The following BBX variants were observed in gnomAD, a reference collection of about 807,000 sequenced individuals.
BBX encodes HMG box transcription factor BBX.
In BBX, 30 loss-of-function variants were observed where a neutral mutation model predicts 100.2. The observed-to-expected ratio is 0.30, with a 90% CI of 0.22 to 0.41. The LOEUF (loss-of-function observed/expected upper bound fraction) is 0.41. Among genes scored for constraint, BBX ranks in the 10% least tolerant of loss-of-function variants. The pLI, the probability that BBX is intolerant of heterozygous loss-of-function variation, is 1.00. For synonymous variants in BBX, 376 were observed against 388.1 expected (o/e 0.97, Z 0.37); for missense variants, 1,023 against 1,129.8 (o/e 0.91, Z 1.35).
chr3:107,568,554 C>T lies in BBX; in HGVS notation c.-84+42156C>T, dbSNP rs1464325133. ...GATTACAGGCATGAGCCACTGCGCC[C>T]GACCATTTTCTGCTCTTTTCTTATG... On this transcript the variant is annotated intron_variant, in intron 2 of 17. Transcript: ENST00000325805. Among the ~76,000 whole-genome samples the T allele has an allele frequency of 2.0e-5, 3 of 152,238 alleles. No homozygotes were observed. In the East Asian group the frequency reaches 5.8e-4, roughly 29 times the overall value.
chr3:107,627,113 T>C (rs1388418645), intron 2 of BBX, among the ~76,000 whole-genome samples: 2 of 152,146 alleles, frequency 1.3e-5, no homozygotes, highest in Admixed American at 1.3e-4. Context: ...GCCCTATTCA[T>C]TGTGGAAGGA....
At chr3:107,621,270 G>A (rs1484076769) in intron 2 of BBX, among the ~76,000 whole-genome samples, 2 of 152,116 alleles carry the variant, frequency 1.3e-5, no homozygotes, top group Admixed American at 6.5e-5. Context: ...TCTTCAGTTC[G>A]AAGTTGCAGA....
In BBX at chr3:107,725,169, A is replaced by G. The variant is rs1402704820; in HGVS notation, c.406-3596A>G. 3.3e-5 allele frequency among the ~76,000 whole-genome samples: 5 copies of G among 152,136 alleles called. No individual in the cohort carries two copies. The East Asian group carries it at 9.6e-4, about 29-fold the overall frequency. ...CTAGGTATTTTATTCTCTTTGAAGC[A>G]GTTGTGAAGGGGAGTTCACTCATGA... On this transcript the variant is annotated intron_variant, in intron 5 of 17. Transcript: ENST00000325805.
rs1365811252 is a variant in BBX, at chr3:107,809,175, A to C, written c.*3718A>C. On this transcript the variant is annotated 3_prime_UTR_variant, in exon 18 of 18. Transcript: ENST00000325805. ...TTACAAATTGCTACAGAACAGGAGT[A>C]AGCTGAAAACTGAATGCCATGTTTT... 6.6e-6 allele frequency: 1 copy of C among 152,254 alleles called. No individual in the cohort carries two copies. The highest frequency in any genetic ancestry group is 1.5e-5 in the Non-Finnish European group (1 of 68,046). The allele number at this position is 152,254 out of a possible 1,614,324, so 9.4% of individuals were successfully genotyped here. A position where few individuals can be genotyped will look rare whatever the true frequency, so the allele number is the denominator to read the frequency against.
rs758531311 is a variant in BBX, at chr3:107,576,625, T to C, written c.-84+50227T>C. Among the ~76,000 whole-genome samples the C allele has an allele frequency of 6.9e-4, 105 of 152,292 alleles. 1 individual carries two copies. Among genetic ancestry groups the C allele is most frequent in the Admixed American group, 1.6e-3 (24 of 15,302 alleles). ...GCAGTGAGACATTAATCAGATGAAA[T>C]TATAAATTCAATAAATTTGTGATGC... On this transcript the variant is annotated intron_variant, in intron 2 of 17. Coordinates refer to ENST00000325805, the MANE Select transcript of BBX (RefSeq NM_001142568.3).
chr3:107,651,941 G>A (rs760658430), intron 3 of BBX, among the ~76,000 whole-genome samples: 56 of 152,184 alleles, frequency 3.7e-4, no homozygotes, highest in Non-Finnish European at 6.9e-4. Flanking sequence ...AAGCAGAAAA[G>A]AGGGCTGAGG....
At chr3:107,789,159 G>C (rs1212686825) in intron 13 of BBX, among the ~76,000 whole-genome samples, 2 of 151,490 alleles carry the variant, frequency 1.3e-5, no homozygotes, top group Non-Finnish European at 2.9e-5. Context: ...GCTGTTGCTG[G>C]TATTTCTGAT....
At chr3:107,746,662 C>T (rs2064629593) in intron 8 of BBX, among the ~76,000 whole-genome samples, 1 of 151,602 alleles carries the variant, frequency 6.6e-6, no homozygotes, top group Non-Finnish European at 1.5e-5. Context: ...GCTATGTTAC[C>T]CAGGCTTGTC....
intron 10 of BBX, among the ~76,000 whole-genome samples, chr3:107,757,352 A>G (rs1387930517): frequency 6.6e-6 from 1 of 152,084 alleles, no homozygotes; most frequent in Non-Finnish European, 1.5e-5. Flanking sequence ...ACACTCTTCT[A>G]ATTTGTAGGG....
chr3:107,631,050 A>G (rs368074171), intron 2 of BBX, among the ~76,000 whole-genome samples: 1 of 152,138 alleles, frequency 6.6e-6, no homozygotes, highest in Non-Finnish European at 1.5e-5. Flanking sequence ...TGTCTGCTCA[A>G]ACTTTTTCTG....
chr3:107,755,960 A>G (rs2065441438), intron 10 of BBX, among the ~76,000 whole-genome samples: 1 of 152,202 alleles, frequency 6.6e-6, no homozygotes, highest in African/African-American at 2.4e-5. Flanking sequence ...GTCCAGCCTG[A>G]ACACAGAAGA....
intron 2 of BBX, among the ~76,000 whole-genome samples, chr3:107,600,041 A>G (rs574720869): frequency 3.9e-5 from 6 of 152,356 alleles, no homozygotes; most frequent in Non-Finnish European, 8.8e-5. Flanking sequence ...TGAAAGTTTT[A>G]AAGTTTTTAG....
intron 3 of BBX, among the ~76,000 whole-genome samples, chr3:107,705,979 G>C (rs925413415): frequency 2.0e-5 from 3 of 148,716 alleles, no homozygotes; most frequent in Admixed American, 6.7e-5. Flanking sequence ...AGTTTCTCAT[G>C]AAGTCTGACC....
intron 3 of BBX, among the ~76,000 whole-genome samples, chr3:107,675,781 G>C (rs537519227): frequency 2.4e-4 from 37 of 152,294 alleles, no homozygotes; most frequent in African/African-American, 8.2e-4. Context: ...TGGTGAACTT[G>C]AGCTAACCTT....
intron 2 of BBX, among the ~76,000 whole-genome samples, chr3:107,584,272 T>C (rs2052646656): frequency 7.6e-6 from 1 of 131,388 alleles, no homozygotes; most frequent in South Asian, 2.2e-4. Flanking sequence ...ATAATATCTC[T>C]AATTTATTAG....
intron 7 of BBX, among the ~76,000 whole-genome samples, chr3:107,735,171 A>G (rs760105874): frequency 6.6e-6 from 1 of 152,172 alleles, no homozygotes; most frequent in African/African-American, 2.4e-5. Flanking sequence ...CTTCACAGCT[A>G]TCAGTAGACT....
intron 13 of BBX, among the ~76,000 whole-genome samples, chr3:107,788,577 T>G (rs529264484): frequency 7.3e-4 from 111 of 151,652 alleles, no homozygotes; most frequent in African/African-American, 2.6e-3. Flanking sequence ...GAGCCCAGCC[T>G]GGGCAACATG....
At chr3:107,567,988 TTC>T (rs1297013271) in intron 2 of BBX, among the ~76,000 whole-genome samples, 1 of 151,964 alleles carries the variant, frequency 6.6e-6, no homozygotes, top group Admixed American at 6.6e-5. Flanking sequence ...TTCTCCTCCA[TTC>T]TCTTTCTTGG....
intron 3 of BBX, among the ~76,000 whole-genome samples, chr3:107,683,103 T>A (rs2059655563): frequency 6.6e-6 from 1 of 152,152 alleles, no homozygotes; most frequent in South Asian, 2.1e-4. Context: ...TTTCAGCATG[T>A]TTACTAGGCA....
Sources: allele counts gnomAD v4.1 joint callset (sites outside exome capture counted in the v4.1 genomes callset), GRCh38; gene constraint gnomAD v4.1.1; transcripts MANE v1.5; gene names NCBI Gene and HGNC (gene_info 2026-07-23, HGNC 2026-07-21).